Variants in MDGA2 observed in about 807,000 individuals in gnomAD.
MDGA2 encodes the protein MAM domain containing glycosylphosphatidylinositol anchor 2.
In MDGA2, 40 loss-of-function variants were observed where a neutral mutation model predicts 117.8. The observed-to-expected ratio is 0.34, with a 90% confidence interval of 0.26 to 0.44. The LOEUF is 0.44. Among genes scored for constraint, MDGA2 ranks in the 20% least tolerant of loss-of-function variants. The pLI is 1.00. For missense variants in MDGA2, 1,123 were observed against 1,250.6 expected (o/e 0.90, Z 1.54); for synonymous variants, 452 against 439.0 (o/e 1.03, Z -0.37).
chr14:47,023,144 A>G (rs1046593958), intron 8 of MDGA2, among the ~76,000 whole-genome samples: 1 of 150,808 alleles, frequency 6.6e-6, no homozygotes, highest in East Asian at 2.0e-4. Flanking sequence ...TTTCCTGCCT[A>G]TAACAGTTAG....
At chr14:46,948,539 C>T (rs975803467) in intron 9 of MDGA2, among the ~76,000 whole-genome samples, 3 of 151,942 alleles carry the variant, frequency 2.0e-5, no homozygotes, top group African/African-American at 7.3e-5. Context: ...GTTGGCCTGC[C>T]TCTTGGGTGT....
At chr14:47,192,489 G>C (rs1026592737) in intron 3 of MDGA2, among the ~76,000 whole-genome samples, 9 of 151,812 alleles carry the variant, frequency 5.9e-5, no homozygotes, top group African/African-American at 2.2e-4. Context: ...GTGGCACGTA[G>C]CTGTAGTCCC....
intron 1 of MDGA2, among the ~76,000 whole-genome samples, chr14:47,517,175 T>C (rs1014576904): frequency 6.6e-6 from 1 of 152,202 alleles, no homozygotes; most frequent in Non-Finnish European, 1.5e-5. Context: ...TTTAAATTAG[T>C]GCAAGGAAAA....
At chr14:47,163,457 G>C (rs968784232) in intron 3 of MDGA2, among the ~76,000 whole-genome samples, 4 of 152,112 alleles carry the variant, frequency 2.6e-5, no homozygotes, top group Non-Finnish European at 5.9e-5. Context: ...TGGTGATAGT[G>C]AATGGGTCTT....
Position 46,873,304 on chromosome 14 carries a change from G to T in MDGA2, c.2752+129C>A, listed in dbSNP as rs878882425. The T allele has an allele frequency of 7.5e-6, 6 of 795,832 alleles. No individual in the cohort carries two copies. The South Asian group carries it at 1.8e-4, about 24-fold the overall frequency. 49.3% of individuals were successfully genotyped at this position (795,832 alleles called of 1,614,324 possible). On this transcript the variant is annotated intron_variant, in intron 14 of 16. Transcript: ENST00000399232. Reference sequence around the variant, plus strand: ...TTACTATCTTATTTTGCAATTTGCAGATAAATCATTTAAAAAGTGAATTAT... The same window carrying T: ...TTACTATCTTATTTTGCAATTTGCATATAAATCATTTAAAAAGTGAATTAT...
intron 7 of MDGA2, among the ~76,000 whole-genome samples, chr14:47,044,232 A>C (rs968948271): frequency 1.1e-4 from 16 of 152,154 alleles, no homozygotes; most frequent in African/African-American, 3.9e-4. Flanking sequence ...CATTTTTCAT[A>C]TATGAACTCT....
intron 2 of MDGA2, among the ~76,000 whole-genome samples, chr14:47,270,753 T>C (rs929974818): frequency 2.0e-5 from 3 of 152,088 alleles, no homozygotes; most frequent in Non-Finnish European, 4.4e-5. Flanking sequence ...ATGCTTGGAA[T>C]AGGCTGTATG....
At chr14:47,291,354 C>A (rs947295126) in intron 2 of MDGA2, among the ~76,000 whole-genome samples, 5 of 152,166 alleles carry the variant, frequency 3.3e-5, no homozygotes, top group Admixed American at 3.3e-4. Flanking sequence ...CCGTTATGCA[C>A]ACATCTTACT....
At chr14:47,660,920 G>A (rs755840468) in intron 1 of MDGA2, among the ~76,000 whole-genome samples, 1 of 152,018 alleles carries the variant, frequency 6.6e-6, no homozygotes, top group Non-Finnish European at 1.5e-5. Flanking sequence ...CTCAGTATGG[G>A]CATTTCAATA....
chr14:46,875,366 G>A (rs1444494141), intron 12 of MDGA2, among the ~76,000 whole-genome samples: 1 of 151,622 alleles, frequency 6.6e-6, no homozygotes, highest in Admixed American at 6.6e-5. Context: ...TTTAAATTTA[G>A]GGAATGAGTT....
intron 8 of MDGA2, among the ~76,000 whole-genome samples, chr14:46,993,005 A>G (rs1364995076): frequency 2.6e-5 from 4 of 152,158 alleles, no homozygotes; most frequent in African/African-American, 9.7e-5. Flanking sequence ...CCCAATAACT[A>G]TAACTTATAC....
chr14:47,087,562 T>G (rs1890950134), intron 6 of MDGA2, among the ~76,000 whole-genome samples: 1 of 150,482 alleles, frequency 6.6e-6, no homozygotes, highest in Non-Finnish European at 1.5e-5. Context: ...CACAGAGAAG[T>G]AACCAAAGGC....
chr14:47,481,137 A>G (rs1048517663), intron 1 of MDGA2, among the ~76,000 whole-genome samples: 1 of 152,024 alleles, frequency 6.6e-6, no homozygotes, highest in Non-Finnish European at 1.5e-5. Context: ...AGTTATTGTG[A>G]TGCTAAGAAA....
chr14:47,233,704 C>G (rs1233523978), intron 2 of MDGA2, among the ~76,000 whole-genome samples: 1 of 152,070 alleles, frequency 6.6e-6, no homozygotes, highest in African/African-American at 2.4e-5. Context: ...CATTTTGTTA[C>G]AGTTTATAAA....
intron 8 of MDGA2, among the ~76,000 whole-genome samples, chr14:46,969,933 C>CATATATATATATAT (rs1157465830): frequency 6.5e-5 from 1 of 15,314 alleles, no homozygotes; most frequent in Non-Finnish European, 1.3e-4. Context: ...TAAAGTATTC[C>CATATATATATATAT]ATATATATAT....
intron 3 of MDGA2, among the ~76,000 whole-genome samples, chr14:47,182,946 C>T (rs539135299): frequency 6.6e-6 from 1 of 152,156 alleles, no homozygotes; most frequent in East Asian, 1.9e-4. Flanking sequence ...ATTTAATTCA[C>T]TACATGATTT....
chr14:47,170,721 A>G (rs1884088924), intron 3 of MDGA2, among the ~76,000 whole-genome samples: 1 of 152,218 alleles, frequency 6.6e-6, no homozygotes, highest in Non-Finnish European at 1.5e-5. Flanking sequence ...AAATGACAAA[A>G]GAATAAAACA....
intron 1 of MDGA2, among the ~76,000 whole-genome samples, chr14:47,439,678 ATT>A (rs1039182781): frequency 1.3e-5 from 2 of 151,266 alleles, no homozygotes; most frequent in Non-Finnish European, 3.0e-5. Flanking sequence ...GACCGACTAA[ATT>A]TTTTTTTCAT....
rs552064282 is a variant in MDGA2, at chr14:47,432,397, A to T, written c.281-130847T>A. ...CATATATATCCGCTAAATTAGATTTATAAGTCCTTGGGATAACAATCTGTA... is the reference window on the plus strand; with the variant it reads ...CATATATATCCGCTAAATTAGATTTTTAAGTCCTTGGGATAACAATCTGTA... On this transcript the variant is annotated intron_variant, in intron 1 of 16. Transcript: ENST00000399232. Among the ~76,000 whole-genome samples the T allele has an allele frequency of 3.3e-5, 5 of 152,192 alleles. No homozygotes were observed. In the South Asian group the frequency reaches 1.0e-3, roughly 32 times the overall value.
Sources: allele counts gnomAD v4.1 joint callset (sites outside exome capture counted in the v4.1 genomes callset), GRCh38; gene constraint gnomAD v4.1.1; transcripts MANE v1.5; gene names NCBI Gene and HGNC (gene_info 2026-07-23, HGNC 2026-07-21).